Variants in MKI67 observed in about 807,000 individuals in gnomAD.
MKI67 encodes proliferation marker protein Ki-67.
MKI67 carries 152 observed loss-of-function variants against 233.5 expected under a neutral mutation model. That is an observed-to-expected ratio of 0.65 (90% CI 0.57 to 0.74). MKI67 has a LOEUF of 0.74. Among genes scored for constraint, MKI67 ranks in the 30% least tolerant of loss-of-function variants. The pLI, the probability that MKI67 is intolerant of heterozygous loss-of-function variation, is 0.00. For missense variants in MKI67, 3,940 were observed against 3,885.2 expected, an observed-to-expected ratio of 1.01 and a Z score of -0.37; for synonymous variants, 1,465 against 1,418.5, an observed-to-expected ratio of 1.03 and a Z score of -0.74.
rs538581885 is a variant in MKI67 at position 128,115,624 on chromosome 10, T to C, written c.784A>G (p.Arg262Gly). ...TAATCAGTTTGTAATCCAGATTTTCTACAATACTGTAGGACATTTTCTTTT... is the reference window on the plus strand; with the variant it reads ...TAATCAGTTTGTAATCCAGATTTTCCACAATACTGTAGGACATTTTCTTTT... ...SQKENVLQYC[R>G]KSGLQTDYAT... Residue 262 changes from arginine to glycine, a missense_variant, in exon 7 of 15, where the codon AGA (arginine) becomes GGA (glycine). By Grantham distance (125) the Arg-to-Gly change is moderately radical (BLOSUM62 -2). Transcript: ENST00000368654. 3 of 1,614,152 alleles carry C rather than the reference T, an allele frequency of 1.9e-6. No individual in the cohort carries two copies. Among genetic ancestry groups the C allele is most frequent in the Admixed American group, 1.7e-5 (1 of 60,032 alleles).
intron 8 of MKI67, among the ~76,000 whole-genome samples, chr10:128,112,782 G>A (rs1852709694): frequency 6.6e-6 from 1 of 152,180 alleles, no homozygotes; most frequent in Non-Finnish European, 1.5e-5. Context: ...AGGGAGGACT[G>A]CTTGCCCCTG....
rs551471910 is a variant in MKI67 at position 128,125,399 on chromosome 10, A to C, written c.92+177T>G. ...ACTTAAACATACAAACTAGCATCAA[A>C]TTTATACTTACAAAACAAAAAAACA... On this transcript the variant is annotated intron_variant, in intron 2 of 14. Coordinates refer to ENST00000368654, the MANE Select transcript of MKI67 (RefSeq NM_002417.5). This position sits in a 1 kb window ranked among gnomAD's most constrained non-coding sequence, Gnocchi z 5.3. Among the ~76,000 whole-genome samples, 1 of 152,298 alleles carries C rather than the reference A, an allele frequency of 6.6e-6. No homozygotes were observed. Among genetic ancestry groups the C allele is most frequent in the East Asian group, 1.9e-4 (1 of 5,180 alleles).
At chr10:128,120,053 T>C (rs905730303) in intron 4 of MKI67, among the ~76,000 whole-genome samples, 2 of 152,356 alleles carry the variant, frequency 1.3e-5, no homozygotes, top group East Asian at 3.9e-4. Context: ...TTATTTCTCA[T>C]GGTAGAGAGT....
Position 128,103,978 on chromosome 10 carries a change from C to G in MKI67, c.7862G>C (p.Arg2621Thr). 1 of 1,614,088 alleles carries G rather than the reference C, an allele frequency of 6.2e-7. No homozygotes were observed. Among genetic ancestry groups the G allele is most frequent in the Non-Finnish European group, 8.5e-7 (1 of 1,180,022 alleles). The part of the protein sequence containing the change: ...EVKEELSAVE[R>T]LTQTSGQSTH... ...GCTTTGCCCTGATGTTTGCGTGAGCCTCTCAACTGCTGAGAGCTCCTCTTT... is the reference window on the plus strand; with the variant it reads ...GCTTTGCCCTGATGTTTGCGTGAGCGTCTCAACTGCTGAGAGCTCCTCTTT... Residue 2621 changes from arginine to threonine, a missense_variant, in exon 13 of 15, where the codon AGG becomes ACG. By Grantham distance (71) the Arg-to-Thr change is moderately conservative. Transcript: ENST00000368654.
chr10:128,125,816 A>G lies in MKI67; in HGVS notation c.-89-60T>C, dbSNP rs1590322392. 2.8e-6 allele frequency: 2 copies of G among 711,760 alleles called. No homozygotes were observed. Among genetic ancestry groups the G allele is most frequent in the East Asian group, 5.5e-5 (2 of 36,670 alleles). The allele number at this position is 711,760 out of a possible 1,614,324, so 44.1% of individuals were successfully genotyped here. On this transcript the variant is annotated intron_variant, in intron 1 of 14. Transcript: ENST00000368654. This position sits in a 1 kb window ranked among gnomAD's most constrained non-coding sequence, Gnocchi z 5.3. ...GGAGCTAAGAAGGGCCCCGTGCCCA[A>G]TTCACCTATCCCCGGCCACAGAAGC...
In MKI67 at chr10:128,125,689, A is replaced by G. The variant is rs781684700; in HGVS notation, c.-22T>C. The G allele has an allele frequency of 1.9e-6, 3 of 1,600,810 alleles. No individual in the cohort carries two copies. The highest frequency in any genetic ancestry group is 2.6e-6 in the Non-Finnish European group (3 of 1,169,322). On this transcript the variant is annotated 5_prime_UTR_variant, in exon 2 of 15. Coordinates refer to ENST00000368654, the MANE Select transcript of MKI67 (RefSeq NM_002417.5). This position sits in a 1 kb window ranked among gnomAD's most constrained non-coding sequence, Gnocchi z 5.3. ...ACATTTTCTAAACAGTAAGTTGAGTATAATCCGTAGGGGAAGGCCAGGTAT... is the reference window on the plus strand; with the variant it reads ...ACATTTTCTAAACAGTAAGTTGAGTGTAATCCGTAGGGGAAGGCCAGGTAT...
Position 128,105,049 on chromosome 10 carries a change from T to C in MKI67, c.6791A>G (p.Lys2264Arg), listed in dbSNP as rs760998043. The C allele has an allele frequency of 2.0e-5, 32 of 1,613,848 alleles. No individual in the cohort carries two copies. The highest frequency in any genetic ancestry group is 2.5e-5 in the Non-Finnish European group (30 of 1,179,970). Reference sequence around the variant, plus strand: ...TGCTGGTTTGGGTGTGTCCATAGCTTTCCCTACTGATGGTGTTCGTTTCCT... The same window carrying C: ...TGCTGGTTTGGGTGTGTCCATAGCTCTCCCTACTGATGGTGTTCGTTTCCT... ...ALRKRTPSVG[K>R]AMDTPKPAGG... Residue 2264 changes from lysine (K) to arginine (R), a missense_variant, in exon 13 of 15, where the codon AAA becomes AGA. Coordinates refer to ENST00000368654, the MANE Select transcript of MKI67 (RefSeq NM_002417.5).
In MKI67 at chr10:128,103,817, G is replaced by C. The variant is rs370194013; in HGVS notation, c.8023C>G (p.Pro2675Ala). The C allele has an allele frequency of 6.2e-7, 1 of 1,612,326 alleles. No individual in the cohort carries two copies. The highest frequency in any genetic ancestry group is 1.3e-5 in the African/African-American group (1 of 74,282). The change falls in exon 13 of 15, where the codon CCC becomes GCC. Residue 2675 changes from proline (P) to alanine (A), a missense_variant. Physicochemically the swap from Pro to Ala is conservative, Grantham distance 27 (BLOSUM62 -1). Coordinates refer to ENST00000368654, the MANE Select transcript of MKI67 (RefSeq NM_002417.5). Reference protein sequence around the residue: ...RPRAPKEKAQPLEDLAGFTEL... With the variant: ...RPRAPKEKAQALEDLAGFTEL... ...GTGAAGCCGGCCAGGTCTTCCAGGG[G>C]TTGGGCCTTTTCCTTAGGTGCTCTT...
rs772951154 is a variant in MKI67, at chr10:128,111,681, A to G, written c.2224T>C (p.Ser742Pro). 6.2e-7 allele frequency: 1 copy of G among 1,611,692 alleles called. No homozygotes were observed. Among genetic ancestry groups the G allele is most frequent in the Non-Finnish European group, 8.5e-7 (1 of 1,179,358 alleles). ...TCCTTAAAGTCCATTTTTTGGTTGG[A>G]AATGAAGTTGTTGAGCACTCTGTAG... The part of the protein sequence containing the change: ...RPYRVLNNFI[S>P]NQKMDFKEDL... Residue 742 changes from serine to proline, a missense_variant, in exon 11 of 15, where the codon TCC becomes CCC. By Grantham distance (74) the Ser-to-Pro change is moderately conservative. Coordinates refer to ENST00000368654, the MANE Select transcript of MKI67 (RefSeq NM_002417.5).
intron 12 of MKI67, 54 bp from the exon 13 acceptor site, chr10:128,109,477 G>A (rs2065718): frequency 0.71 from 1,094,677 of 1,542,060 alleles, 389,482 homozygotes; most frequent in South Asian, 0.79. Flanking sequence ...CATGTCAATC[G>A]AGTATTACAG....
In MKI67 at chr10:128,110,485, G is replaced by A; in HGVS notation, c.2309C>T (p.Thr770Ile). 1 of 1,576,612 alleles carries A rather than the reference G, an allele frequency of 6.3e-7. No homozygotes were observed. The highest frequency in any genetic ancestry group is 8.7e-7 in the Non-Finnish European group (1 of 1,151,092). The change falls in exon 12 of 15, where the codon ACA becomes ATA. Residue 770 changes from threonine (T) to isoleucine (I), a missense_variant. Coordinates refer to ENST00000368654, the MANE Select transcript of MKI67 (RefSeq NM_002417.5). ...TGAAATAGCGATGTGACATGTGCTT[G>A]TCAACTGCGGTTGCTCCTTCACTGG... is the stretch of plus-strand genomic sequence containing the variant. ...KTPVKEQPQL[T>I]STCHIAISNS...
rs778830596 is a variant in MKI67 at position 128,101,294 on chromosome 10, C to T, written c.9669G>A (p.Thr3223=). 2.5e-6 allele frequency: 4 copies of T among 1,614,240 alleles called. No homozygotes were observed. The highest frequency in any genetic ancestry group is 1.1e-5 in the South Asian group (1 of 91,092). The change falls in exon 14 of 15, where the codon ACG becomes ACA. Residue 3223 remains threonine (T), a synonymous_variant. Coordinates refer to ENST00000368654, the MANE Select transcript of MKI67 (RefSeq NM_002417.5). ...TTTCTGCACACCTCTTGACACTCCG[C>T]GTTACTCTCTGCACAGATTTGCTCT... ...TLESKSVQRV[T]RSVKRCAENP... is the part of the protein sequence containing the mutation.
At chr10:128,119,161 T>C (rs545297522) in intron 5 of MKI67, 92 bp downstream of exon 5, 1 of 944,662 alleles carries the variant, frequency 1.1e-6, no homozygotes, top group South Asian at 1.4e-5. Context: ...ACCCTCTTTG[T>C]AACTGATTTC....
At position 128,105,290 on chromosome 10, in the gene MKI67, G is replaced by A; in HGVS notation, c.6550C>T (p.Pro2184Ser). ...VTGSKRQPRT[P>S]KGKAQPLEDL... ...TCTAGGGGTTGGGCTTTTCCCTTAG[G>A]AGTTCTTGGCTGCCTCTTGCTACCA... The change falls in exon 13 of 15, where the codon CCT (proline) becomes TCT (serine). Residue 2184 changes from proline (P) to serine (S), a missense_variant. Physicochemically the swap from Pro to Ser is moderately conservative, Grantham distance 74. Coordinates refer to ENST00000368654, the MANE Select transcript of MKI67 (RefSeq NM_002417.5). 1 of 1,614,112 alleles carries A rather than the reference G, an allele frequency of 6.2e-7. No individual in the cohort carries two copies. Among genetic ancestry groups the A allele is most frequent in the Non-Finnish European group, 8.5e-7 (1 of 1,180,012 alleles).
chr10:128,119,191 C>A (rs1852873026), intron 5 of MKI67, 62 bp downstream of exon 5: 11 of 1,149,472 alleles, frequency 9.6e-6, no homozygotes, highest in Admixed American at 1.8e-5. Flanking sequence ...ATCATTAAAG[C>A]ATACATAAAT....
rs547300938 is a variant in MKI67, at chr10:128,105,453, A to G, written c.6387T>C (p.Asp2129=). 1 of 1,613,524 alleles carries G rather than the reference A, an allele frequency of 6.2e-7. No individual in the cohort carries two copies. The highest frequency in any genetic ancestry group is 1.7e-5 in the Admixed American group (1 of 59,972). The change falls in exon 13 of 15, where the codon GAT becomes GAC. Residue 2129 remains aspartate, a synonymous_variant. Transcript: ENST00000368654. ...RRPKTPLGKR[D]IVEELSALKQ... ...TCAGGGCTGAGAGCTCTTCCACTATATCCCTTTTCCCCAAAGGTGTTTTGG... is the reference window on the plus strand; with the variant it reads ...TCAGGGCTGAGAGCTCTTCCACTATGTCCCTTTTCCCCAAAGGTGTTTTGG...
chr10:128,103,240 T>TC lies in MKI67; in HGVS notation c.8599dup (p.Glu2867GlyfsTer12). On this transcript the variant is annotated frameshift_variant, in exon 13 of 15. Coordinates refer to ENST00000368654, the MANE Select transcript of MKI67 (RefSeq NM_002417.5). LOFTEE classifies it high-confidence loss of function. ...CGGCTCTTTGTCGGTGTGCGTGGTC[T>TC]CCCCTGAGGTTTGTGTGAGCTTGCC... 1 of 1,614,218 alleles carries TC rather than the reference T, an allele frequency of 6.2e-7. No individual in the cohort carries two copies. Among genetic ancestry groups the TC allele is most frequent in the Non-Finnish European group, 8.5e-7 (1 of 1,180,028 alleles).
In MKI67 at chr10:128,102,639, G is replaced by C; in HGVS notation, c.9201C>G (p.Ser3067Arg). Residue 3067 changes from serine to arginine, a missense_variant, in exon 13 of 15, where the codon AGC becomes AGG. Ser to Arg is a moderately radical substitution (Grantham distance 110). Transcript: ENST00000368654. ...CCTCTTTGTTGGTTTTCATGTCGTTGCTGTTCAGCTCTTCCGCAGGTTCAA... is the reference window on the plus strand; with the variant it reads ...CCTCTTTGTTGGTTTTCATGTCGTTCCTGTTCAGCTCTTCCGCAGGTTCAA... Reference protein sequence around the residue: ...KRIEPAEELNSNDMKTNKEEH... With the variant: ...KRIEPAEELNRNDMKTNKEEH... 1 of 1,614,152 alleles carries C rather than the reference G, an allele frequency of 6.2e-7. No individual in the cohort carries two copies.
Position 128,103,923 on chromosome 10 carries a change from A to G in MKI67, c.7917T>C (p.Gly2639=). ...GCTTCAATACTTTGATGCCCTCATC[A>G]CCGCTTGCTGGTTCTTTGTGTGTGT... ...STHTHKEPAS[G]DEGIKVLKQR... The change falls in exon 13 of 15, where the codon GGT becomes GGC. Residue 2639 remains glycine (G), a synonymous_variant. Coordinates refer to ENST00000368654, the MANE Select transcript of MKI67 (RefSeq NM_002417.5). 6.2e-7 allele frequency: 1 copy of G among 1,613,236 alleles called. No homozygotes were observed. The highest frequency in any genetic ancestry group is 8.5e-7 in the Non-Finnish European group (1 of 1,179,834).
Sources: allele counts gnomAD v4.1 joint callset (sites outside exome capture counted in the v4.1 genomes callset), GRCh38; gene constraint gnomAD v4.1.1; non-coding constraint Gnocchi (gnomAD v3.1); transcripts MANE v1.5; gene names NCBI Gene and HGNC (gene_info 2026-07-23, HGNC 2026-07-21).